The following KIF1A variants were observed in gnomAD, a reference collection of about 807,000 sequenced individuals.
KIF1A encodes kinesin family member 1A, also known as kinesin-like protein KIF1A.
A neutral mutation model predicts 227.3 loss-of-function variants in KIF1A; 46 were observed. The ratio of observed to expected loss-of-function variants is 0.20; its 90% CI spans 0.16 to 0.26. The LOEUF is 0.26. KIF1A is among the 10% of genes least tolerant of loss of function. KIF1A has a pLI of 1.00. For missense variants in KIF1A, 1,683 were observed against 2,485.9 expected (o/e 0.68, Z 6.87); for synonymous variants, 1,022 against 1,012.8 (o/e 1.01, Z -0.17).
At chr2:240,796,728 G>T (rs1259387592) in intron 2 of KIF1A, among the ~76,000 whole-genome samples, 1 of 152,116 alleles carries the variant, frequency 6.6e-6, no homozygotes, top group Non-Finnish European at 1.5e-5. Context: ...CGGGCTTCTG[G>T]AAGGATCATC....
At chr2:240,787,391 G>T in intron 4 of KIF1A, 75 bp from the exon 5 acceptor site, 1 of 1,346,456 alleles carries the variant, frequency 7.4e-7, no homozygotes, top group Non-Finnish European at 1.1e-6. Flanking sequence ...GCGATACTGT[G>T]GGCAGCCTGT....
chr2:240,722,368 A>T, intron 43 of KIF1A, 88 bp downstream of exon 43: 1 of 1,310,870 alleles, frequency 7.6e-7, no homozygotes, highest in South Asian at 1.3e-5. Flanking sequence ...AGCCATGGGC[A>T]AGGCCGGGTT....
chr2:240,745,346 G>A (rs766085646), intron 32 of KIF1A, 81 bp downstream of exon 32: 10 of 1,092,472 alleles, frequency 9.2e-6, no homozygotes, highest in Non-Finnish European at 1.4e-5. Context: ...GTGTTCAGAA[G>A]AGGGAGAATG....
chr2:240,733,840 G>A (rs529506761), intron 38 of KIF1A, among the ~76,000 whole-genome samples: 2 of 152,300 alleles, frequency 1.3e-5, no homozygotes, highest in East Asian at 3.9e-4. Context: ...CTGCCGTGAC[G>A]CTGGCCACAG....
At chr2:240,720,219 C>T in intron 45 of KIF1A, 1 of 317,148 alleles carries the variant, frequency 3.2e-6, no homozygotes, top group Non-Finnish European at 5.8e-6. Flanking sequence ...GCTCTCCTGC[C>T]CCCACCTCCA....
At chr2:240,717,612 T>C (rs1175775130) in intron 48 of KIF1A, among the ~76,000 whole-genome samples, 1 of 152,204 alleles carries the variant, frequency 6.6e-6, no homozygotes, top group Non-Finnish European at 1.5e-5. Context: ...ACCCCGCTTT[T>C]CACATCCCTG....
chr2:240,769,689 T>C lies in KIF1A; in HGVS notation c.1359A>G (p.Ile453Met). 6.2e-7 allele frequency: 1 copy of C among 1,613,524 alleles called. No homozygotes were observed. The highest frequency in any genetic ancestry group is 8.5e-7 in the Non-Finnish European group (1 of 1,179,730). Residue 453 changes from isoleucine to methionine, a missense_variant, in exon 16 of 49, where the codon ATA becomes ATG. Coordinates refer to ENST00000498729, the MANE Select transcript of KIF1A (RefSeq NM_001244008.2). ...IERLKETEKI[I>M]AELNETWEEK... The stretch of plus-strand genomic sequence containing the variant: ...CCTCCCAGGTCTCATTGAGCTCAGC[T>C]ATGATCTTCTCTGTTTCCTGGGGAT...
Position 240,778,557 on chromosome 2 carries a change from T to C in KIF1A, c.883-2631A>G, listed in dbSNP as rs894679659. Among the ~76,000 whole-genome samples the C allele has an allele frequency of 1.1e-3, 122 of 107,218 alleles. 1 individual carries two copies. The highest frequency in any genetic ancestry group is 8.9e-4 in the Non-Finnish European group (46 of 51,554). The allele number at this position is 107,218 out of a possible 152,430, so 70.3% of individuals were successfully genotyped here. A position where few individuals can be genotyped will look rare whatever the true frequency, so the allele number is the denominator to read the frequency against. On this transcript the variant is annotated intron_variant, in intron 10 of 48. Coordinates refer to ENST00000498729, the MANE Select transcript of KIF1A (RefSeq NM_001244008.2). This position sits in a 1 kb window ranked among gnomAD's most constrained non-coding sequence, Gnocchi z 7.2. ...ACACACACACACAGGCTTCTCAGTGTCCCACGGGCCTCACAGCAGCCACGC... is the reference window on the plus strand; with the variant it reads ...ACACACACACACAGGCTTCTCAGTGCCCCACGGGCCTCACAGCAGCCACGC...
intron 1 of KIF1A, among the ~76,000 whole-genome samples, chr2:240,800,008 G>A (rs2056816245): frequency 6.6e-6 from 1 of 151,788 alleles, no homozygotes; most frequent in Admixed American, 6.6e-5. Flanking sequence ...AACAAAGAGA[G>A]GAAACATCCC....
At chr2:240,782,213 G>A (rs113652636) in intron 10 of KIF1A, 45,569 of 984,980 alleles carry the variant, frequency 0.046, 1,167 homozygotes, top group Non-Finnish European at 0.051. Flanking sequence ...GCTGCTCAGA[G>A]TCCAGCACGC....
intron 48 of KIF1A, among the ~76,000 whole-genome samples, 171 bp downstream of exon 48, chr2:240,717,879 C>T (rs775441119): frequency 6.6e-6 from 1 of 152,208 alleles, no homozygotes; most frequent in Non-Finnish European, 1.5e-5. Flanking sequence ...GCAGAGCAAC[C>T]GCACCCTGCG....
rs956851585 is a variant in KIF1A at position 240,785,872 on chromosome 2, C to G, written c.608+463G>C. ...CCGGGTGGCAGAGGGAGTCTGTTGCCATGACAACCAGGGCATCCCAGGCAG... is the reference window on the plus strand; with the variant it reads ...CCGGGTGGCAGAGGGAGTCTGTTGCGATGACAACCAGGGCATCCCAGGCAG... On this transcript the variant is annotated intron_variant, in intron 6 of 48. Transcript: ENST00000498729. Among the ~76,000 whole-genome samples, 3 of 152,262 alleles carry G rather than the reference C, an allele frequency of 2.0e-5. No homozygotes were observed. In the East Asian group the frequency reaches 5.8e-4, roughly 29 times the overall value.
intron 1 of KIF1A, among the ~76,000 whole-genome samples, chr2:240,813,731 C>T (rs940617434): frequency 9.9e-5 from 15 of 152,064 alleles, no homozygotes; most frequent in African/African-American, 1.9e-4. Context: ...GCAGCCCTGC[C>T]GCTCCCGCCA....
At chr2:240,753,710 A>G (rs2049490338) in intron 27 of KIF1A, among the ~76,000 whole-genome samples, 1 of 152,230 alleles carries the variant, frequency 6.6e-6, no homozygotes, top group Non-Finnish European at 1.5e-5. Flanking sequence ...ATAAACAGCC[A>G]TCTCAACTCA....
intron 46 of KIF1A, 57 bp downstream of exon 46, chr2:240,719,717 C>A: frequency 6.9e-7 from 1 of 1,456,104 alleles, no homozygotes; most frequent in Non-Finnish European, 9.1e-7. Flanking sequence ...GGGTGGCCTG[C>A]CTGTCCCCTG....
chr2:240,720,917 A>G lies in KIF1A; in HGVS notation c.4865T>C (p.Leu1622Pro), dbSNP rs1295184157. Residue 1622 changes from leucine (L) to proline (P), a missense_variant, in exon 45 of 49, where the codon CTG becomes CCG. Around this residue, in one of 12 missense-constraint regions of KIF1A, gnomAD observed 384 missense variants for 410.1 expected, o/e 0.94. Coordinates refer to ENST00000498729, the MANE Select transcript of KIF1A (RefSeq NM_001244008.2). ...LVEGRYGATD[L>P]RTPQPCSRPA... is the part of the protein sequence containing the mutation. ...CGGGAGCCTGGAGCTCACTCACCTCAGGTCAGTGGCACCGTACCGCCCTTC... is the reference window on the plus strand; with the variant it reads ...CGGGAGCCTGGAGCTCACTCACCTCGGGTCAGTGGCACCGTACCGCCCTTC... The G allele has an allele frequency of 1.9e-6, 3 of 1,568,518 alleles. No homozygotes were observed. The highest frequency in any genetic ancestry group is 1.7e-6 in the Non-Finnish European group (2 of 1,154,912).
chr2:240,809,886 TAAAAA>T (rs11336419), intron 1 of KIF1A, among the ~76,000 whole-genome samples: 23 of 145,768 alleles, frequency 1.6e-4, no homozygotes, highest in African/African-American at 5.3e-4. Context: ...TAAAGTATAA[TAAAAA>T]AAAAAAAAAG....
intron 1 of KIF1A, among the ~76,000 whole-genome samples, chr2:240,818,118 C>T (rs1031759228): frequency 2.0e-5 from 3 of 152,164 alleles, no homozygotes; most frequent in Admixed American, 2.0e-4. Flanking sequence ...ATCTTGCAGG[C>T]CCTCACCACA....
At position 240,766,870 on chromosome 2, in the gene KIF1A, G is replaced by T; in HGVS notation, c.1684+45C>A. On this transcript the variant is annotated intron_variant, in intron 19 of 48. Coordinates refer to ENST00000498729, the MANE Select transcript of KIF1A (RefSeq NM_001244008.2). This position sits in a 1 kb window ranked among gnomAD's most constrained non-coding sequence, Gnocchi z 5.0. ...GACCTCATTCAGGCCTGATCATCAC[G>T]GCACAGGGGCATGGGTGCGGGTAGG... is the stretch of plus-strand genomic sequence containing the variant. The T allele has an allele frequency of 7.3e-7, 1 of 1,379,196 alleles. No homozygotes were observed. The highest frequency in any genetic ancestry group is 2.4e-5 in the East Asian group (1 of 41,480). The allele number at this position is 1,379,196 out of a possible 1,614,324, so 85.4% of individuals were successfully genotyped here.
Sources: allele counts gnomAD v4.1 joint callset (sites outside exome capture counted in the v4.1 genomes callset), GRCh38; gene constraint gnomAD v4.1.1; regional missense constraint gnomAD v4.1.1; non-coding constraint Gnocchi (gnomAD v3.1); transcripts MANE v1.5; gene names NCBI Gene and HGNC (gene_info 2026-07-23, HGNC 2026-07-21).